The following LRMDA variants were observed in gnomAD, a reference collection of about 807,000 sequenced individuals.
LRMDA encodes the protein leucine rich melanocyte differentiation associated, also known as leucine-rich melanocyte differentiation-associated protein.
In LRMDA, 18 loss-of-function variants were observed where a neutral mutation model predicts 29.8. The ratio of observed to expected loss-of-function variants is 0.60; its 90% CI spans 0.42 to 0.90. The LOEUF (loss-of-function observed/expected upper bound fraction) is 0.90. Ranked by LOEUF, LRMDA falls within the 40% of genes least tolerant of loss-of-function variation. The pLI, the probability that LRMDA is intolerant of heterozygous loss-of-function variation, is 0.00. For missense variants in LRMDA, 273 were observed against 273.9 expected, an observed-to-expected ratio of 1.00 and a Z score of 0.02; for synonymous variants, 125 against 109.4, an observed-to-expected ratio of 1.14 and a Z score of -0.89.
At chr10:75,797,679 A>G (rs1213672441) in intron 2 of LRMDA, among the ~76,000 whole-genome samples, 3 of 152,194 alleles carry the variant, frequency 2.0e-5, no homozygotes, top group African/African-American at 7.2e-5. Flanking sequence ...TTCGTTTAGC[A>G]TAATGGTTTT....
At chr10:75,841,063 G>C (rs1844532166) in intron 2 of LRMDA, among the ~76,000 whole-genome samples, 1 of 152,154 alleles carries the variant, frequency 6.6e-6, no homozygotes, top group African/African-American at 2.4e-5. Context: ...TAGCTCTGGG[G>C]TTCATCTTCA....
chr10:75,748,287 T>C (rs1842913314), intron 2 of LRMDA, among the ~76,000 whole-genome samples: 1 of 152,006 alleles, frequency 6.6e-6, no homozygotes, highest in South Asian at 2.1e-4. Context: ...AGAGATGGGG[T>C]TTTACCATGT....
chr10:76,234,282 G>C (rs896196075), intron 5 of LRMDA, among the ~76,000 whole-genome samples: 3 of 152,140 alleles, frequency 2.0e-5, no homozygotes, highest in Non-Finnish European at 4.4e-5. Context: ...TGAGCAGTAG[G>C]TCTCAATAGT....
chr10:76,376,315 A>G (rs576660125), intron 6 of LRMDA, among the ~76,000 whole-genome samples: 2 of 152,290 alleles, frequency 1.3e-5, no homozygotes, highest in East Asian at 1.9e-4. Flanking sequence ...TGCTGCAGAA[A>G]ACATAATTTC....
At chr10:75,729,391 A>T (rs1436616763) in intron 2 of LRMDA, among the ~76,000 whole-genome samples, 1 of 152,214 alleles carries the variant, frequency 6.6e-6, no homozygotes, top group African/African-American at 2.4e-5. Flanking sequence ...TTCATCCTTC[A>T]TCGTCCTCTC....
chr10:76,316,389 C>T (rs1046670753), intron 5 of LRMDA, among the ~76,000 whole-genome samples: 5 of 152,068 alleles, frequency 3.3e-5, no homozygotes, highest in African/African-American at 1.2e-4. Flanking sequence ...CCTGGCCGTG[C>T]GCTGTGGCCG....
At chr10:75,884,980 G>C (rs1845360501) in intron 2 of LRMDA, among the ~76,000 whole-genome samples, 1 of 151,894 alleles carries the variant, frequency 6.6e-6, no homozygotes, top group African/African-American at 2.4e-5. Context: ...AGCAGTTCAG[G>C]AGGCCCAGGG....
At chr10:75,664,272 C>T (rs1366468094) in intron 2 of LRMDA, among the ~76,000 whole-genome samples, 5 of 152,198 alleles carry the variant, frequency 3.3e-5, no homozygotes, top group African/African-American at 1.2e-4. Context: ...TGACAGAAAT[C>T]TCTCCATTTC....
chr10:75,937,517 T>TAAA (rs1230022368), intron 2 of LRMDA, among the ~76,000 whole-genome samples: 1 of 152,214 alleles, frequency 6.6e-6, no homozygotes, highest in Non-Finnish European at 1.5e-5. Context: ...AAGCAGGTGC[T>TAAA]GTGTTTGAAA....
chr10:76,432,366 C>T (rs1450364691), intron 6 of LRMDA, among the ~76,000 whole-genome samples: 1 of 152,060 alleles, frequency 6.6e-6, no homozygotes, highest in Non-Finnish European at 1.5e-5. Context: ...CGGTGCAAAT[C>T]CCCAAACCTT....
At chr10:75,640,897 T>G (rs1841445278) in intron 2 of LRMDA, among the ~76,000 whole-genome samples, 1 of 152,230 alleles carries the variant, frequency 6.6e-6, no homozygotes, top group Admixed American at 6.5e-5. Context: ...CCTGGGCCAC[T>G]TGCATTGATG....
At chr10:76,154,572 T>C (rs751840934) in intron 5 of LRMDA, among the ~76,000 whole-genome samples, 11 of 152,282 alleles carry the variant, frequency 7.2e-5, no homozygotes, top group Non-Finnish European at 1.0e-4. Flanking sequence ...ATCATGTTGA[T>C]GGTTTGGAGA....
Position 76,507,350 on chromosome 10 carries a change from C to T in LRMDA, c.602-49859C>T, listed in dbSNP as rs553644048. On this transcript the variant is annotated intron_variant, in intron 6 of 6. Transcript: ENST00000611255. ...TCCTTATGTATTTTGGTTGTTAATCCCTTGGCACATGTATAATTTGCACAT... is the reference window on the plus strand; with the variant it reads ...TCCTTATGTATTTTGGTTGTTAATCTCTTGGCACATGTATAATTTGCACAT... 2.7e-5 allele frequency among the ~76,000 whole-genome samples: 4 copies of T among 149,624 alleles called. No individual in the cohort carries two copies. In the South Asian group the frequency reaches 8.5e-4, roughly 32 times the overall value.
At chr10:76,460,869 A>C (rs1842505420) in intron 6 of LRMDA, among the ~76,000 whole-genome samples, 1 of 152,162 alleles carries the variant, frequency 6.6e-6, no homozygotes, top group African/African-American at 2.4e-5. Context: ...TTCAGCATTT[A>C]CTTTTAAAGA....
intron 2 of LRMDA, among the ~76,000 whole-genome samples, chr10:75,523,885 A>T (rs541027465): frequency 3.3e-5 from 5 of 152,122 alleles, no homozygotes; most frequent in African/African-American, 1.2e-4. Context: ...ACCCCAGTTG[A>T]TAATTTTTAT....
chr10:75,802,670 G>A (rs909851386), intron 2 of LRMDA, among the ~76,000 whole-genome samples: 2 of 151,838 alleles, frequency 1.3e-5, no homozygotes, highest in African/African-American at 2.4e-5. Flanking sequence ...AAACACTATC[G>A]AATGAAAGAA....
intron 5 of LRMDA, among the ~76,000 whole-genome samples, chr10:76,106,865 G>C (rs975014523): frequency 2.1e-4 from 32 of 152,160 alleles, no homozygotes; most frequent in African/African-American, 6.5e-4. Context: ...TCTCCCAGTG[G>C]TGCTAGCAAT....
intron 2 of LRMDA, among the ~76,000 whole-genome samples, chr10:75,842,025 T>G (rs1844549302): frequency 6.6e-6 from 1 of 152,246 alleles, no homozygotes; most frequent in Non-Finnish European, 1.5e-5. Flanking sequence ...TTTTTCTGGG[T>G]CTTTCTCCAT....
At chr10:76,375,849 A>T (rs1267225902) in intron 6 of LRMDA, among the ~76,000 whole-genome samples, 4 of 151,846 alleles carry the variant, frequency 2.6e-5, no homozygotes, top group Non-Finnish European at 2.9e-5. Context: ...GACTATATTC[A>T]TTTAGTTTTA....
Sources: gnomAD v4.1 joint callset for allele counts (sites outside exome capture counted in the v4.1 genomes callset) on GRCh38, gnomAD v4.1.1 for gene constraint, MANE v1.5 for transcripts, NCBI Gene and HGNC (gene_info 2026-07-23, HGNC 2026-07-21) for gene names.